The following LILRA2 variants were observed in gnomAD, a reference collection of about 807,000 sequenced individuals.
LILRA2 encodes leukocyte immunoglobulin-like receptor subfamily A member 2.
Under a neutral mutation model 47.9 loss-of-function variants are expected in LILRA2, and 45 were observed. The observed-to-expected ratio is 0.94, with a 90% CI of 0.74 to 1.20. LILRA2 has a LOEUF of 1.20. Ranked by LOEUF, LILRA2 falls within the 50% of genes most tolerant of loss-of-function variation. The pLI, the probability that LILRA2 is intolerant of heterozygous loss-of-function variation, is 0.00. For missense variants in LILRA2, 651 were observed against 598.2 expected (o/e 1.09, Z -0.92); for synonymous variants, 279 against 249.2 (o/e 1.12, Z -1.13).
In LILRA2 at chr19:54,575,860, C is replaced by G. The variant is rs1252688342; in HGVS notation, c.1006C>G (p.Pro336Ala). ...GGTGCAGCCGGTCCCCACAGTAGCC[C>G]CAGGAAAGAACGTGACCCTGCTGTG... ...LSVQPVPTVA[P>A]GKNVTLLCQS... Residue 336 changes from proline (P) to alanine (A), a missense_variant, in exon 6 of 8, where the codon CCA (proline) becomes GCA (alanine). Transcript: ENST00000391738. The G allele has an allele frequency of 2.5e-6, 4 of 1,612,226 alleles. No individual in the cohort carries two copies. Among genetic ancestry groups the G allele is most frequent in the Non-Finnish European group, 1.7e-6 (2 of 1,178,874 alleles).
intron 6 of LILRA2, among the ~76,000 whole-genome samples, chr19:54,583,395 T>C (rs1448725334): frequency 6.6e-6 from 1 of 152,212 alleles, no homozygotes; most frequent in Non-Finnish European, 1.5e-5. Context: ...CTATTATTAT[T>C]GTGTGGGAGT....
chr19:54,573,383 T>C, upstream of LILRA2: 4 of 838,510 alleles, frequency 4.8e-6, no homozygotes, highest in Admixed American at 1.9e-5. Flanking sequence ...AACTGCAGCA[T>C]GGACCTGGGT....
In LILRA2 at chr19:54,589,911, C is replaced by G. The variant is rs769388685; in HGVS notation, c.*2565C>G. The G allele has an allele frequency of 1.3e-5, 2 of 151,626 alleles. No homozygotes were observed. Among genetic ancestry groups the G allele is most frequent in the Non-Finnish European group, 2.9e-5 (2 of 67,944 alleles). The allele number at this position is 151,626 out of a possible 1,614,324, so 9.4% of individuals were successfully genotyped here. On this transcript the variant is annotated 3_prime_UTR_variant, in exon 8 of 8. Coordinates refer to ENST00000391738, the MANE Select transcript of LILRA2 (RefSeq NM_001130917.3). ...TCATTTTTTCTACCACTTTTCAGTC[C>G]TGGGAAACTCAGTCCCAATGTGCTT...
chr19:54,576,520 A>G (rs1327573706), intron 6 of LILRA2, among the ~76,000 whole-genome samples: 2 of 152,280 alleles, frequency 1.3e-5, no homozygotes, highest in African/African-American at 4.8e-5. Context: ...ACTCATCTCA[A>G]TGCTACCTCC....
chr19:54,577,844 A>G (rs969673960), intron 6 of LILRA2: 8 of 493,558 alleles, frequency 1.6e-5, no homozygotes, highest in Admixed American at 1.1e-4. Flanking sequence ...ATATGAATTT[A>G]TAATATATGA....
At chr19:54,573,267 A>C, upstream of LILRA2, 1 of 462,062 alleles carries the variant, frequency 2.2e-6, no homozygotes. Flanking sequence ...TCCAGGCATG[A>C]GCCACCATGG....
chr19:54,573,961 C>T lies in LILRA2; in HGVS notation c.34+49C>T, dbSNP rs1259015232. Reference sequence around the variant, plus strand: ...GCTTCTAACCTAGGAGGGACCTCACCCCACAGCCAAACTCTGGTCCCTAAG... The same window carrying T: ...GCTTCTAACCTAGGAGGGACCTCACTCCACAGCCAAACTCTGGTCCCTAAG... On this transcript the variant is annotated intron_variant, in intron 1 of 7. Coordinates refer to ENST00000391738, the MANE Select transcript of LILRA2 (RefSeq NM_001130917.3). 1.9e-6 allele frequency: 3 copies of T among 1,613,216 alleles called. No homozygotes were observed. In the South Asian group the frequency reaches 3.3e-5, roughly 18 times the overall value.
Position 54,575,093 on chromosome 19 carries a change from G to C in LILRA2, c.655+60G>C, listed in dbSNP as rs73936593. On this transcript the variant is annotated intron_variant, in intron 4 of 7. Coordinates refer to ENST00000391738, the MANE Select transcript of LILRA2 (RefSeq NM_001130917.3). ...AGTCTCCCTGAGTCTCCAGGCAGGT[G>C]GGGAGCAGCCGCGTCTCAGGGCAGC... 9.5e-4 allele frequency: 1,507 copies of C among 1,583,844 alleles called. 1 individual carries two copies. In the African/African-American group the frequency reaches 0.017, roughly 18 times the overall value.
chr19:54,575,148 G>A, intron 4 of LILRA2, 108 bp from the exon 5 acceptor site: 1 of 1,551,914 alleles, frequency 6.4e-7, no homozygotes, highest in Non-Finnish European at 8.7e-7. Context: ...GGGCGAGAGG[G>A]CTCAGGGCTC....
At position 54,587,391 on chromosome 19, in the gene LILRA2, G is replaced by T. The variant is rs1214709114; in HGVS notation, c.*45G>T. ...ATCCTTCAGCGTGGTGGAGCCTCAGGGACAGATCTGATGATCCCAGGAGGC... is the reference window on the plus strand; with the variant it reads ...ATCCTTCAGCGTGGTGGAGCCTCAGTGACAGATCTGATGATCCCAGGAGGC... On this transcript the variant is annotated 3_prime_UTR_variant, in exon 8 of 8. Transcript: ENST00000391738. 1 of 1,612,716 alleles carries T rather than the reference G, an allele frequency of 6.2e-7. No homozygotes were observed. The highest frequency in any genetic ancestry group is 2.2e-5 in the East Asian group (1 of 44,888).
rs551481305 is a variant in LILRA2 at position 54,574,921 on chromosome 19, C to T, written c.543C>T (p.Ser181=). The change falls in exon 4 of 8, where the codon TCC becomes TCT. Residue 181 remains serine (S), a synonymous_variant. Transcript: ENST00000391738. The part of the protein sequence containing the change: ...HARGWSWAIF[S]VGPVSPSRRW... ...GTGGGTGGTCCTGGGCCATCTTCTC[C>T]GTGGGCCCCGTGAGCCCGAGTCGCA... 102 of 1,614,268 alleles carry T rather than the reference C, an allele frequency of 6.3e-5. No individual in the cohort carries two copies. The African/African-American group carries it at 7.1e-4, about 11-fold the overall frequency.
In LILRA2 at chr19:54,573,921, T is replaced by C. The variant is rs1482355113; in HGVS notation, c.34+9T>C. Reference sequence around the variant, plus strand: ...GGTCCTGATCTGTCTCGGTGAGATTTGAAGAGGGAGGGGAGCTTCTAACCT... The same window carrying C: ...GGTCCTGATCTGTCTCGGTGAGATTCGAAGAGGGAGGGGAGCTTCTAACCT... On this transcript the variant is annotated intron_variant, in intron 1 of 7. Coordinates refer to ENST00000391738, the MANE Select transcript of LILRA2 (RefSeq NM_001130917.3). 1 of 1,614,022 alleles carries C rather than the reference T, an allele frequency of 6.2e-7. No individual in the cohort carries two copies. The highest frequency in any genetic ancestry group is 8.5e-7 in the Non-Finnish European group (1 of 1,180,026).
At chr19:54,577,546 CGGT>C in intron 6 of LILRA2, 1 of 1,289,740 alleles carries the variant, frequency 7.8e-7, no homozygotes. Flanking sequence ...GCTTGGGCCT[CGGT>C]GGGATCTGAC....
intron 3 of LILRA2, 23 bp from the exon 4 acceptor site, chr19:54,574,708 C>T: frequency 1.2e-6 from 2 of 1,611,720 alleles, no homozygotes; most frequent in Non-Finnish European, 1.7e-6. Flanking sequence ...CCCCATTTAA[C>T]ACAGTGCCTC....
chr19:54,574,609 C>T, intron 3 of LILRA2, 27 bp downstream of exon 3: 1 of 1,611,586 alleles, frequency 6.2e-7, no homozygotes. Context: ...GAGTCCCAGC[C>T]CCAGGCTCTG....
chr19:54,575,853 A>C lies in LILRA2; in HGVS notation c.999A>C (p.Thr333=), dbSNP rs2062401939. ...RPSLSVQPVP[T]VAPGKNVTLL... ...CTCTCTCGGTGCAGCCGGTCCCCACAGTAGCCCCAGGAAAGAACGTGACCC... is the reference window on the plus strand; with the variant it reads ...CTCTCTCGGTGCAGCCGGTCCCCACCGTAGCCCCAGGAAAGAACGTGACCC... Residue 333 remains threonine (T), a synonymous_variant, in exon 6 of 8, where the codon ACA becomes ACC. Coordinates refer to ENST00000391738, the MANE Select transcript of LILRA2 (RefSeq NM_001130917.3). The C allele has an allele frequency of 6.2e-7, 1 of 1,613,130 alleles. No homozygotes were observed. The highest frequency in any genetic ancestry group is 8.5e-7 in the Non-Finnish European group (1 of 1,179,716).
At chr19:54,576,990 A>C (rs1198506165) in intron 6 of LILRA2, among the ~76,000 whole-genome samples, 2 of 151,760 alleles carry the variant, frequency 1.3e-5, no homozygotes, top group Admixed American at 1.3e-4. Flanking sequence ...GGCTCATCCT[A>C]GACCTGCTCC....
chr19:54,586,873 G>A, intron 6 of LILRA2, 137 bp from the exon 7 acceptor site: 1 of 584,478 alleles, frequency 1.7e-6, no homozygotes, highest in South Asian at 2.6e-5. Context: ...AGACTGGAGG[G>A]AACCCTGCTA....
rs747884395 is a variant in LILRA2 at position 54,586,654 on chromosome 19, T to C, written c.1256-356T>C. The stretch of plus-strand genomic sequence containing the variant: ...GCTTCTGTGGTCCTGCACCTGCTCC[T>C]TGCAGCCAGTTAGGGCTCAGAGAGG... On this transcript the variant is annotated intron_variant, in intron 6 of 7. Transcript: ENST00000391738. 3.7e-3 allele frequency among the ~76,000 whole-genome samples: 560 copies of C among 152,264 alleles called. No individual in the cohort carries two copies. The South Asian group carries it at 0.073, about 20-fold the overall frequency.
Sources: allele counts gnomAD v4.1 joint callset (sites outside exome capture counted in the v4.1 genomes callset), GRCh38; gene constraint gnomAD v4.1.1; transcripts MANE v1.5; gene names NCBI Gene and HGNC (gene_info 2026-07-23, HGNC 2026-07-21).